The following SAMTOR variants were observed in gnomAD, a reference collection of about 807,000 sequenced individuals.
The protein encoded by SAMTOR is UPF0532 protein C7orf60.
the SAMTOR span, among the ~76,000 whole-genome samples, chr7:112,824,367 T>G: frequency 8.0e-4 from 121 of 152,178 alleles, no homozygotes; most frequent in Middle Eastern, 3.4e-3. Flanking sequence ...TTGTTTGTTT[T>G]TTTGTTTTTT....
chr7:112,890,668 T>C, the SAMTOR span, among the ~76,000 whole-genome samples: 1,609 of 150,752 alleles, frequency 0.011, 30 homozygotes, highest in African/African-American at 0.037. Context: ...TAAAAAAGTA[T>C]ACATATATAC....
the SAMTOR span, among the ~76,000 whole-genome samples, chr7:112,871,060 C>T: frequency 6.6e-6 from 1 of 152,130 alleles, no homozygotes; most frequent in Non-Finnish European, 1.5e-5. Flanking sequence ...GGAAAAGACT[C>T]AGACAGCCAC....
the SAMTOR span, among the ~76,000 whole-genome samples, chr7:112,830,412 T>G: frequency 6.6e-6 from 1 of 152,192 alleles, no homozygotes; most frequent in African/African-American, 2.4e-5. Context: ...ACTTAAGTTA[T>G]GTATAGCCGT....
chr7:112,930,296 A>C, the SAMTOR span, among the ~76,000 whole-genome samples: 2 of 152,186 alleles, frequency 1.3e-5, no homozygotes, highest in Non-Finnish European at 2.9e-5. Flanking sequence ...GCTCTTGAGC[A>C]CCTGATACAG....
At chr7:112,917,944 T>C in the SAMTOR span, among the ~76,000 whole-genome samples, 323 of 152,176 alleles carry the variant, frequency 2.1e-3, 1 homozygote, top group African/African-American at 7.5e-3. Flanking sequence ...AATATGAGAC[T>C]ATGTGAAAAG....
chr7:112,828,513 G>T, the SAMTOR span, among the ~76,000 whole-genome samples: 3 of 152,010 alleles, frequency 2.0e-5, no homozygotes, highest in South Asian at 6.2e-4. Context: ...ATTGGACTAG[G>T]GGCCACTGTA....
chr7:112,872,241 G>A, the SAMTOR span, among the ~76,000 whole-genome samples: 7 of 152,102 alleles, frequency 4.6e-5, no homozygotes, highest in Non-Finnish European at 8.8e-5. Flanking sequence ...TAAAATACTA[G>A]CAAACCAAAT....
chr7:112,861,805 C>T, the SAMTOR span, among the ~76,000 whole-genome samples: 1 of 152,174 alleles, frequency 6.6e-6, no homozygotes, highest in African/African-American at 2.4e-5. Context: ...ATAAAGTCCC[C>T]TTTTTAAAAA....
At chr7:112,910,783 G>A in the SAMTOR span, among the ~76,000 whole-genome samples, 1 of 151,928 alleles carries the variant, frequency 6.6e-6, no homozygotes, top group Non-Finnish European at 1.5e-5. Flanking sequence ...ATGAGATTGA[G>A]GAAATAAATA....
At chr7:112,895,529 C>A in the SAMTOR span, 3 of 1,413,946 alleles carry the variant, frequency 2.1e-6, no homozygotes, top group Non-Finnish European at 2.9e-6. Flanking sequence ...CACATTAATA[C>A]AGTTATCCAG....
the SAMTOR span, among the ~76,000 whole-genome samples, chr7:112,837,260 TGC>T: frequency 6.6e-6 from 1 of 152,022 alleles, no homozygotes; most frequent in Non-Finnish European, 1.5e-5. Flanking sequence ...TGTATAGGAA[TGC>T]TGCTGATTTT....
At chr7:112,838,055 A>G in the SAMTOR span, among the ~76,000 whole-genome samples, 535 of 152,102 alleles carry the variant, frequency 3.5e-3, 2 homozygotes, top group Non-Finnish European at 4.7e-3. Context: ...ACATCAACAA[A>G]AAGCACAAAC....
At chr7:112,891,526 C>A in the SAMTOR span, among the ~76,000 whole-genome samples, 4 of 152,190 alleles carry the variant, frequency 2.6e-5, no homozygotes, top group Admixed American at 2.6e-4. Context: ...AAGTAATTAA[C>A]AAAATACACT....
the SAMTOR span, among the ~76,000 whole-genome samples, chr7:112,916,583 C>G: frequency 6.6e-6 from 1 of 152,086 alleles, no homozygotes; most frequent in African/African-American, 2.4e-5. Context: ...GAGTGCCAGA[C>G]AGTGGGTGCA....
At chr7:112,830,685 G>C in the SAMTOR span, among the ~76,000 whole-genome samples, 1 of 152,122 alleles carries the variant, frequency 6.6e-6, no homozygotes, top group Non-Finnish European at 1.5e-5. Flanking sequence ...GAAAACGAAA[G>C]TAGAAATAAC....
At chr7:112,886,050 T>C in the SAMTOR span, among the ~76,000 whole-genome samples, 1 of 152,100 alleles carries the variant, frequency 6.6e-6, no homozygotes, top group Admixed American at 6.6e-5. Flanking sequence ...CAAGGAGAAG[T>C]GCTGAGCAAA....
the SAMTOR span, among the ~76,000 whole-genome samples, chr7:112,837,321 T>G: frequency 6.6e-6 from 1 of 152,172 alleles, no homozygotes; most frequent in Middle Eastern, 3.4e-3. Flanking sequence ...GATCATCAGA[T>G]CTGGGAGCTT....
the SAMTOR span, among the ~76,000 whole-genome samples, chr7:112,834,866 G>A: frequency 2.9e-4 from 44 of 151,964 alleles, no homozygotes; most frequent in Admixed American, 6.6e-4. Context: ...ACATCATAAG[G>A]GTAAGTGAAG....
At chr7:112,897,506 A>C in the SAMTOR span, among the ~76,000 whole-genome samples, 164 of 152,316 alleles carry the variant, frequency 1.1e-3, no homozygotes, top group Non-Finnish European at 2.0e-3. Flanking sequence ...AAGGGCTAAA[A>C]TTCTAGGTTC....
Sources: allele counts gnomAD v4.1 joint callset (sites outside exome capture counted in the v4.1 genomes callset), GRCh38; gene constraint gnomAD v4.1.1; transcripts MANE v1.5; gene names NCBI Gene and HGNC (gene_info 2026-07-23, HGNC 2026-07-21).